The following GCNT2 variants were observed in gnomAD, a reference collection of about 807,000 sequenced individuals.
The protein encoded by GCNT2 is glucosaminyl (N-acetyl) transferase 2 (I blood group).
Under a neutral mutation model 34.2 loss-of-function variants are expected in GCNT2, and 34 were observed. The observed-to-expected ratio is 1.00, with a 90% CI of 0.76 to 1.32. The LOEUF is 1.32. GCNT2 is among the 40% of genes most tolerant of loss of function. The pLI is 0.00. For synonymous variants in GCNT2, 212 were observed against 188.0 expected (o/e 1.13, Z -1.04); for missense variants, 584 against 489.4 (o/e 1.19, Z -1.82).
intron 3 of GCNT2, among the ~76,000 whole-genome samples, chr6:10,548,993 G>C (rs1021937420): frequency 2.6e-5 from 4 of 152,186 alleles, no homozygotes; most frequent in Non-Finnish European, 5.9e-5. Context: ...TCCTGACCTC[G>C]TGATCCACAC....
chr6:10,618,012 C>T (rs896452239), intron 3 of GCNT2, among the ~76,000 whole-genome samples: 3 of 152,134 alleles, frequency 2.0e-5, no homozygotes, highest in Non-Finnish European at 4.4e-5. Flanking sequence ...GCCTCGGCCT[C>T]CCAAAGTGCT....
intron 3 of GCNT2, among the ~76,000 whole-genome samples, chr6:10,538,437 A>AAAAAAATATATATATAT (rs1554127249): frequency 4.1e-5 from 3 of 73,352 alleles, no homozygotes; most frequent in African/African-American, 3.6e-4. Flanking sequence ...AAAAAAAAAA[A>AAAAAAATATATATATAT]ATATATATAT....
intron 3 of GCNT2, chr6:10,586,922 C>T (rs1764379100): frequency 6.3e-7 from 1 of 1,592,576 alleles, no homozygotes; most frequent in Non-Finnish European, 8.6e-7. Flanking sequence ...CAGGTAGGTA[C>T]TAATTTCCAT....
intron 3 of GCNT2, among the ~76,000 whole-genome samples, chr6:10,599,177 G>A (rs1764991066): frequency 6.6e-6 from 1 of 152,040 alleles, no homozygotes; most frequent in Non-Finnish European, 1.5e-5. Context: ...TCCTGCACAA[G>A]GAATGAGAGG....
chr6:10,593,198 A>G (rs182379257), intron 3 of GCNT2, among the ~76,000 whole-genome samples: 2 of 152,346 alleles, frequency 1.3e-5, no homozygotes. Context: ...TGAACTGAAC[A>G]TGAATTTAAT....
chr6:10,592,602 G>T (rs1764697112), intron 3 of GCNT2, among the ~76,000 whole-genome samples: 1 of 152,150 alleles, frequency 6.6e-6, no homozygotes, highest in African/African-American at 2.4e-5. Context: ...CCAGCCACTG[G>T]CTCCATTGTA....
intron 3 of GCNT2, chr6:10,585,844 A>G: frequency 6.7e-7 from 1 of 1,494,298 alleles, no homozygotes. Flanking sequence ...AGGATACAGG[A>G]GGATTAAAGG....
At chr6:10,585,946 A>G (rs1764322578) in intron 3 of GCNT2, 1 of 1,609,260 alleles carries the variant, frequency 6.2e-7, no homozygotes. Context: ...ATCATTTCTC[A>G]TTCCCTGAAA....
In GCNT2 at chr6:10,623,102, G is replaced by A. The variant is rs376894875; in HGVS notation, c.1018+1659G>A. ...AAATGTTTCAGGTGAAAATCTCCAA[G>A]TTGCTCCATCTCTACAACTCTCCAT... On this transcript the variant is annotated intron_variant, in intron 4 of 4. Transcript: ENST00000495262. Among the ~76,000 whole-genome samples, 33 of 151,984 alleles carry A rather than the reference G, an allele frequency of 2.2e-4. 1 individual carries two copies. In the East Asian group the frequency reaches 5.6e-3, roughly 26 times the overall value.
chr6:10,559,647 A>C (rs1429915739), intron 3 of GCNT2, among the ~76,000 whole-genome samples: 1 of 152,244 alleles, frequency 6.6e-6, no homozygotes, highest in Admixed American at 6.5e-5. Context: ...CTGCCCATCA[A>C]CTTTGGCAAG....
At chr6:10,604,219 C>G (rs1049695553) in intron 3 of GCNT2, among the ~76,000 whole-genome samples, 1 of 152,034 alleles carries the variant, frequency 6.6e-6, no homozygotes, top group Non-Finnish European at 1.5e-5. Flanking sequence ...ATGATTGTTA[C>G]TTGTAGGTAT....
rs554099652 is a variant in GCNT2, at chr6:10,577,242, G to A, written c.926-44109G>A. Among the ~76,000 whole-genome samples the A allele has an allele frequency of 5.3e-5, 8 of 152,318 alleles. No individual in the cohort carries two copies. The South Asian group carries it at 8.3e-4, about 16-fold the overall frequency. The stretch of plus-strand genomic sequence containing the variant: ...CCAAGGGGGCTGCTGTGCAGTGTGA[G>A]GGGGGAGGTGACAGCCATGTAGGGC... On this transcript the variant is annotated intron_variant, in intron 3 of 4. Transcript: ENST00000495262.
intron 3 of GCNT2, among the ~76,000 whole-genome samples, chr6:10,609,068 A>T (rs1765443280): frequency 6.6e-6 from 1 of 152,222 alleles, no homozygotes; most frequent in Non-Finnish European, 1.5e-5. Flanking sequence ...ACCCTACTGC[A>T]GGGGTCAAAC....
chr6:10,522,661 T>G (rs1022636149), intron 1 of GCNT2, among the ~76,000 whole-genome samples: 2 of 152,206 alleles, frequency 1.3e-5, no homozygotes, highest in Non-Finnish European at 2.9e-5. Flanking sequence ...TTATTCTTAG[T>G]GATCAGAAGC....
At chr6:10,589,264 G>GTGGGGTGTGTGTGTTTC (rs1471700886) in intron 3 of GCNT2, among the ~76,000 whole-genome samples, 1 of 147,586 alleles carries the variant, frequency 6.8e-6, no homozygotes, top group African/African-American at 2.5e-5. Flanking sequence ...ATGTACATGT[G>GTGGGGTGTGTGTGTTTC]TGGGGTGTGT....
chr6:10,555,793 TTTTA>T (rs1363302483), intron 3 of GCNT2: 6 of 985,276 alleles, frequency 6.1e-6, no homozygotes, highest in African/African-American at 3.5e-5. Context: ...TGAGGCTTTC[TTTTA>T]TTTGAGATGT....
intron 3 of GCNT2, among the ~76,000 whole-genome samples, chr6:10,601,942 A>AG (rs1322491934): frequency 3.3e-4 from 29 of 87,410 alleles, no homozygotes; most frequent in African/African-American, 1.3e-3. Context: ...CTCCATCTCA[A>AG]GAAAAAAAAA....
chr6:10,536,271 G>A (rs1036041531), intron 3 of GCNT2, among the ~76,000 whole-genome samples: 13 of 152,176 alleles, frequency 8.5e-5, no homozygotes, highest in African/African-American at 2.9e-4. Context: ...ACTTGAAGGG[G>A]AGGAAGATTT....
rs372217845 is a variant in GCNT2, at chr6:10,553,038, A to G, written c.925+23202A>G. Among the ~76,000 whole-genome samples, 5 of 152,116 alleles carry G rather than the reference A, an allele frequency of 3.3e-5. No individual in the cohort carries two copies. The East Asian group carries it at 5.8e-4, about 18-fold the overall frequency. On this transcript the variant is annotated intron_variant, in intron 3 of 4. Coordinates refer to ENST00000495262, the MANE Select transcript of GCNT2 (RefSeq NM_145649.5). ...TCAGTGCCATCTTTGCTTTCATTCA[A>G]CTTTACATGTCTAGTGTTGCTGCTC...
Sources: gnomAD v4.1 joint callset for allele counts (sites outside exome capture counted in the v4.1 genomes callset) on GRCh38, gnomAD v4.1.1 for gene constraint, MANE v1.5 for transcripts, NCBI Gene and HGNC (gene_info 2026-07-23, HGNC 2026-07-21) for gene names.